IQCJ: variants seen among roughly 807,000 people sequenced by gnomAD.
IQCJ encodes the protein IQ motif containing J.
A neutral mutation model predicts 11.0 loss-of-function variants in IQCJ; 9 were observed. That is an observed-to-expected ratio of 0.82 (90% CI 0.49 to 1.43). The LOEUF is 1.43. IQCJ is among the 40% of genes most tolerant of loss of function. The pLI is 0.00. For missense variants in IQCJ, 146 were observed against 133.2 expected (o/e 1.10, Z -0.47); for synonymous variants, 55 against 51.3 (o/e 1.07, Z -0.31).
chr3:159,071,489 T>C (rs1428950328), intron 1 of IQCJ, among the ~76,000 whole-genome samples: 1 of 152,054 alleles, frequency 6.6e-6, no homozygotes, highest in East Asian at 1.9e-4. Flanking sequence ...GCACCTTTTT[T>C]CACGTGCTAT....
chr3:159,180,545 G>C (rs967876345), intron 1 of IQCJ, among the ~76,000 whole-genome samples: 3 of 151,922 alleles, frequency 2.0e-5, no homozygotes, highest in Non-Finnish European at 4.4e-5. Context: ...GTAAATGGAT[G>C]AATAGATAGA....
chr3:159,138,204 A>G (rs1428340471), intron 1 of IQCJ, among the ~76,000 whole-genome samples: 1 of 152,070 alleles, frequency 6.6e-6, no homozygotes, highest in Non-Finnish European at 1.5e-5. Flanking sequence ...GTTTTTCCTG[A>G]CTCTTTCTGC....
chr3:159,152,496 A>T (rs753839662), intron 1 of IQCJ, among the ~76,000 whole-genome samples: 1 of 152,194 alleles, frequency 6.6e-6, no homozygotes, highest in African/African-American at 2.4e-5. Context: ...ATAAAGTCAG[A>T]CTAAAGACCT....
chr3:159,101,332 G>C (rs1421786407), intron 1 of IQCJ, among the ~76,000 whole-genome samples: 5 of 151,996 alleles, frequency 3.3e-5, no homozygotes, highest in South Asian at 4.2e-4. Context: ...CGTCTTCTGC[G>C]TCGCTCAGGC....
intron 1 of IQCJ, among the ~76,000 whole-genome samples, chr3:159,130,406 A>G (rs1719923591): frequency 6.6e-6 from 1 of 152,168 alleles, no homozygotes; most frequent in Non-Finnish European, 1.5e-5. Flanking sequence ...GTGAGCCCAC[A>G]GTACCTAGAT....
chr3:159,195,943 A>G (rs1723959749), intron 1 of IQCJ, among the ~76,000 whole-genome samples: 1 of 152,362 alleles, frequency 6.6e-6, no homozygotes, highest in Admixed American at 6.5e-5. Flanking sequence ...CAATCAGGAT[A>G]ATCATAGCAA....
intron 1 of IQCJ, among the ~76,000 whole-genome samples, chr3:159,136,878 A>T (rs1720319581): frequency 6.6e-6 from 1 of 152,194 alleles, no homozygotes; most frequent in East Asian, 1.9e-4. Context: ...CCTTCAAAGT[A>T]TCTTGAGGTC....
intron 1 of IQCJ, among the ~76,000 whole-genome samples, chr3:159,082,103 A>G (rs1056281187): frequency 2.6e-5 from 4 of 152,144 alleles, no homozygotes; most frequent in Non-Finnish European, 5.9e-5. Flanking sequence ...ATCAAAATCT[A>G]TGATGTACTA....
At chr3:159,161,761 T>C (rs1365117541) in intron 1 of IQCJ, among the ~76,000 whole-genome samples, 1 of 152,230 alleles carries the variant, frequency 6.6e-6, no homozygotes, top group Non-Finnish European at 1.5e-5. Context: ...CTAGCCAGTT[T>C]TCCCAGCACC....
intron 1 of IQCJ, among the ~76,000 whole-genome samples, chr3:159,180,288 CT>C (rs1269547743): frequency 1.3e-5 from 2 of 150,024 alleles, no homozygotes; most frequent in Non-Finnish European, 3.0e-5. Context: ...GGACATTTCT[CT>C]CTCTCTCTCT....
At chr3:159,133,181 CAT>C (rs1720094321) in intron 1 of IQCJ, among the ~76,000 whole-genome samples, 1 of 152,176 alleles carries the variant, frequency 6.6e-6, no homozygotes, top group Admixed American at 6.5e-5. Context: ...GCCCAGGACA[CAT>C]GTGGTTCTCA....
chr3:159,202,909 C>A (rs973363888), intron 1 of IQCJ, among the ~76,000 whole-genome samples: 3 of 152,102 alleles, frequency 2.0e-5, no homozygotes, highest in Admixed American at 6.5e-5. Flanking sequence ...AGGGAGCCAC[C>A]TCAGTCAGCT....
chr3:159,108,237 C>T (rs1328931392), intron 1 of IQCJ, among the ~76,000 whole-genome samples: 1 of 152,080 alleles, frequency 6.6e-6, no homozygotes, highest in Non-Finnish European at 1.5e-5. Context: ...TCCCAGCTCT[C>T]CTTTTATGTC....
intron 1 of IQCJ, among the ~76,000 whole-genome samples, chr3:159,176,625 T>A: frequency 6.6e-6 from 1 of 152,126 alleles, no homozygotes; most frequent in East Asian, 1.9e-4. Flanking sequence ...CATTAAAAAA[T>A]TAAACAGGTA....
chr3:159,103,438 T>A (rs977691315), intron 1 of IQCJ, among the ~76,000 whole-genome samples: 6 of 152,224 alleles, frequency 3.9e-5, no homozygotes, highest in African/African-American at 1.4e-4. Context: ...ACTTGGTGAC[T>A]AAATTAAACA....
rs147562210 is a variant in IQCJ, at chr3:159,242,683, C to G, written c.10-3160C>G. On this transcript the variant is annotated intron_variant, in intron 1 of 3. Coordinates refer to ENST00000397832, the MANE Select transcript of IQCJ (RefSeq NM_001042706.3). The stretch of plus-strand genomic sequence containing the variant: ...ATTGATCTCAATTCTTACCACACAC[C>G]ATACCCAAAAATTAATTGACCATAC... Among the ~76,000 whole-genome samples, 1,497 of 151,808 alleles carry G rather than the reference C, an allele frequency of 9.9e-3. 14 individuals carry two copies. Among genetic ancestry groups the G allele is most frequent in the Non-Finnish European group, 0.016 (1,067 of 67,982 alleles).
chr3:159,192,155 A>T (rs960242194), intron 1 of IQCJ, among the ~76,000 whole-genome samples: 3 of 152,136 alleles, frequency 2.0e-5, no homozygotes, highest in African/African-American at 7.2e-5. Flanking sequence ...TTTCTAGATG[A>T]TCTTGTTGGT....
rs781068395 is a variant in IQCJ at position 159,069,398 on chromosome 3, C to T, written c.-35C>T. Reference sequence around the variant, plus strand: ...ACAGTGTGCCAGCATCCGATCCAGTCTCCTTTCACCTGCAGGTGTTCCAGA... The same window carrying T: ...ACAGTGTGCCAGCATCCGATCCAGTTTCCTTTCACCTGCAGGTGTTCCAGA... On this transcript the variant is annotated 5_prime_UTR_variant, in exon 1 of 4. Coordinates refer to ENST00000397832, the MANE Select transcript of IQCJ (RefSeq NM_001042706.3). 6.3e-7 allele frequency: 1 copy of T among 1,599,950 alleles called. No individual in the cohort carries two copies. The highest frequency in any genetic ancestry group is 8.5e-7 in the Non-Finnish European group (1 of 1,175,120).
At chr3:159,192,242 G>C (rs1723732800) in intron 1 of IQCJ, among the ~76,000 whole-genome samples, 1 of 152,162 alleles carries the variant, frequency 6.6e-6, no homozygotes. Context: ...GATAATTTAT[G>C]TGCTTTGGAG....
Sources: gnomAD v4.1 joint callset for allele counts (sites outside exome capture counted in the v4.1 genomes callset) on GRCh38, gnomAD v4.1.1 for gene constraint, MANE v1.5 for transcripts, NCBI Gene and HGNC (gene_info 2026-07-23, HGNC 2026-07-21) for gene names.